KCNQ1: variants seen among roughly 807,000 people sequenced by gnomAD.
KCNQ1 encodes potassium voltage-gated channel subfamily Q member 1.
A neutral mutation model predicts 72.4 loss-of-function variants in KCNQ1; 49 were observed. That is an observed-to-expected ratio of 0.68 (90% CI 0.54 to 0.86). The LOEUF (loss-of-function observed/expected upper bound fraction) is 0.86, where lower values mean the gene tolerates loss of function less well. Ranked by LOEUF, KCNQ1 falls within the 40% of genes least tolerant of loss-of-function variation. The probability of loss-of-function intolerance (pLI) is 0.00; values close to 1 mark genes in which losing one functional copy is unlikely to be tolerated. For missense variants in KCNQ1, 790 were observed against 945.1 expected (o/e 0.84, Z 2.15); for synonymous variants, 450 against 412.6 (o/e 1.09, Z -1.10).
At position 2,836,507 on chromosome 11, in the gene KCNQ1, C is replaced by T. The variant is rs538124596; in HGVS notation, c.1795-11260C>T. Among the ~76,000 whole-genome samples, 3 of 152,334 alleles carry T rather than the reference C, an allele frequency of 2.0e-5. No individual in the cohort carries two copies. The East Asian group carries it at 5.8e-4, about 29-fold the overall frequency. On this transcript the variant is annotated intron_variant, in intron 15 of 15. Transcript: ENST00000155840. ...CCAAGCTCCCCAGAAGAGGGGACCC[C>T]TCCCCCCGAACACCAGCACATGTAG...
chr11:2,744,973 G>C (rs956760245), intron 11 of KCNQ1, among the ~76,000 whole-genome samples: 1 of 152,064 alleles, frequency 6.6e-6, no homozygotes, highest in African/African-American at 2.4e-5. Context: ...TGTGATCGGG[G>C]CTCCCTCTTT....
intron 12 of KCNQ1, among the ~76,000 whole-genome samples, chr11:2,770,583 G>A (rs1846577898): frequency 6.6e-6 from 1 of 152,258 alleles, no homozygotes; most frequent in Non-Finnish European, 1.5e-5. Flanking sequence ...CAGGGAAGGG[G>A]GTGGTTCATG....
At position 2,830,758 on chromosome 11, in the gene KCNQ1, G is replaced by C. The variant is rs555978968; in HGVS notation, c.1795-17009G>C. The stretch of plus-strand genomic sequence containing the variant: ...CTCTGACCTCCCAAGGGCACCCCAC[G>C]TGTGTGCCCTCCAGCACCCTGGCCA... On this transcript the variant is annotated intron_variant, in intron 15 of 15. Transcript: ENST00000155840. The surrounding 1 kb of genome is among the most constrained non-coding windows in gnomAD (Gnocchi z 7.7). Among the ~76,000 whole-genome samples, 2 of 152,120 alleles carry C rather than the reference G, an allele frequency of 1.3e-5. No individual in the cohort carries two copies. The highest frequency in any genetic ancestry group is 4.8e-5 in the African/African-American group (2 of 41,428).
At chr11:2,577,269 G>A (rs931743579) in intron 6 of KCNQ1, among the ~76,000 whole-genome samples, 1 of 152,216 alleles carries the variant, frequency 6.6e-6, no homozygotes, top group African/African-American at 2.4e-5. Flanking sequence ...AGCATGGTGT[G>A]AGCTGGGGCT....
intron 10 of KCNQ1, chr11:2,628,268 C>T (rs1223931421): frequency 2.5e-6 from 1 of 398,542 alleles, no homozygotes; most frequent in Non-Finnish European, 4.4e-6. Flanking sequence ...GTATAAGGGA[C>T]ACCTTTTCTC....
chr11:2,599,406 C>G lies in KCNQ1; in HGVS notation c.1393+10552C>G, dbSNP rs1468324839. Among the ~76,000 whole-genome samples, 3 of 152,068 alleles carry G rather than the reference C, an allele frequency of 2.0e-5. No individual in the cohort carries two copies. Among genetic ancestry groups the G allele is most frequent in the African/African-American group, 7.2e-5 (3 of 41,402 alleles). On this transcript the variant is annotated intron_variant, in intron 10 of 15. Coordinates refer to ENST00000155840, the MANE Select transcript of KCNQ1 (RefSeq NM_000218.3). This position sits in a 1 kb window ranked among gnomAD's most constrained non-coding sequence, Gnocchi z 4.7. Reference sequence around the variant, plus strand: ...TCAATTCTATTCTAAAATTTATAATCTCTGCTTAATTTCCTTTGGTGTACA... The same window carrying G: ...TCAATTCTATTCTAAAATTTATAATGTCTGCTTAATTTCCTTTGGTGTACA...
At chr11:2,741,352 C>G (rs1179135788) in intron 11 of KCNQ1, among the ~76,000 whole-genome samples, 1 of 152,204 alleles carries the variant, frequency 6.6e-6, no homozygotes, top group Non-Finnish European at 1.5e-5. Context: ...CTGTGTGCAG[C>G]AGGCATTGGG....
Position 2,847,857 on chromosome 11 carries a change from G to C in KCNQ1, c.1885G>C (p.Gly629Arg). Residue 629 changes from glycine to arginine, a missense_variant, in exon 16 of 16, where the codon GGC (glycine) becomes CGC (arginine). By Grantham distance (125) the Gly-to-Arg change is moderately radical. Coordinates refer to ENST00000155840, the MANE Select transcript of KCNQ1 (RefSeq NM_000218.3). ...CGGTGGCAGCACCCCCGGCAGCGGCGGCCCCCCCAGAGAGGGCGGGGCCCA... is the reference window on the plus strand; with the variant it reads ...CGGTGGCAGCACCCCCGGCAGCGGCCGCCCCCCCAGAGAGGGCGGGGCCCA... ...LHGGSTPGSG[G>R]PPREGGAHIT... is the part of the protein sequence containing the mutation. The C allele has an allele frequency of 1.3e-6, 2 of 1,574,374 alleles. No homozygotes were observed. Among genetic ancestry groups the C allele is most frequent in the Non-Finnish European group, 1.7e-6 (2 of 1,159,854 alleles).
Position 2,587,690 on chromosome 11 carries a change from G to A in KCNQ1, c.1249G>A (p.Val417Met), listed in dbSNP as rs267607197. The A allele has an allele frequency of 6.2e-7, 1 of 1,613,688 alleles. No individual in the cohort carries two copies. Among genetic ancestry groups the A allele is most frequent in the Non-Finnish European group, 8.5e-7 (1 of 1,179,980 alleles). The change falls in exon 9 of 16, where the codon GTG (valine) becomes ATG (methionine). Residue 417 changes from valine (V) to methionine (M), a missense_variant and splice_region_variant. Val to Met is a conservative substitution (Grantham distance 21). This residue lies in a region of KCNQ1 where 178 missense variants were observed against 177.9 expected (regional missense o/e 1.00). Transcript: ENST00000155840. ...CAGCCCCAAACCCAAGAAGTCTGTG[G>A]TGGTGAGTAGCCCACCTGCCACCAG... ...SPSPKPKKSV[V>M]VKKKKFKLDK...
Position 2,445,409 on chromosome 11 carries a change from C to T in KCNQ1, c.311C>T (p.Thr104Ile), listed in dbSNP as rs748125395. Residue 104 changes from threonine (T) to isoleucine (I), a missense_variant, in exon 1 of 16, where the codon ACC (threonine) becomes ATC (isoleucine). Transcript: ENST00000155840. ...ACGCGCCGCCCGGTGTTGGCGCGCA[C>T]CCACGTCCAGGGCCGCGTCTACAAC... ...YSTRRPVLAR[T>I]HVQGRVYNFL... is the part of the protein sequence containing the mutation. 1.3e-6 allele frequency: 2 copies of T among 1,597,976 alleles called. No homozygotes were observed. Among genetic ancestry groups the T allele is most frequent in the East Asian group, 2.2e-5 (1 of 44,812 alleles).
intron 1 of KCNQ1, among the ~76,000 whole-genome samples, chr11:2,524,774 T>G (rs760016952): frequency 1.1e-4 from 17 of 152,210 alleles, no homozygotes; most frequent in Non-Finnish European, 1.9e-4. Context: ...AAGAAGCACC[T>G]GTGGGCCACT....
rs79339528 is a variant in KCNQ1, at chr11:2,465,936, C to T, written c.386+20452C>T. Among the ~76,000 whole-genome samples the T allele has an allele frequency of 9.9e-3, 1,507 of 152,288 alleles. 22 individuals are homozygous for T. Among genetic ancestry groups the T allele is most frequent in the African/African-American group, 0.034 (1,404 of 41,560 alleles). On this transcript the variant is annotated intron_variant, in intron 1 of 15. Transcript: ENST00000155840. ...GTGGTTGGTTCCTGGCTGCACCTGCCGGGCTCATGACCTGCCCTGTCCTTT... is the reference window on the plus strand; with the variant it reads ...GTGGTTGGTTCCTGGCTGCACCTGCTGGGCTCATGACCTGCCCTGTCCTTT...
At chr11:2,814,973 A>T (rs1238066095) in intron 15 of KCNQ1, among the ~76,000 whole-genome samples, 2 of 152,196 alleles carry the variant, frequency 1.3e-5, no homozygotes, top group African/African-American at 4.8e-5. Context: ...CCCCAGCGCT[A>T]TGCCCTTCTG....
intron 2 of KCNQ1, among the ~76,000 whole-genome samples, chr11:2,556,518 C>G (rs1294697023): frequency 1.3e-5 from 2 of 152,168 alleles, no homozygotes; most frequent in Non-Finnish European, 2.9e-5. Flanking sequence ...TGTTTTTGTG[C>G]TATAACAGCA....
At chr11:2,551,877 A>G (rs1225169806) in intron 2 of KCNQ1, among the ~76,000 whole-genome samples, 2 of 152,240 alleles carry the variant, frequency 1.3e-5, no homozygotes, top group Non-Finnish European at 2.9e-5. Context: ...TGCCATTCAT[A>G]TATCTCCTTT....
rs1846516118 is a variant in KCNQ1 at position 2,473,139 on chromosome 11, G to A, written c.386+27655G>A. 6.6e-6 allele frequency among the ~76,000 whole-genome samples: 1 copy of A among 152,162 alleles called. No homozygotes were observed. The highest frequency in any genetic ancestry group is 2.4e-5 in the African/African-American group (1 of 41,434). On this transcript the variant is annotated intron_variant, in intron 1 of 15. Coordinates refer to ENST00000155840, the MANE Select transcript of KCNQ1 (RefSeq NM_000218.3). The surrounding 1 kb of genome is among the most constrained non-coding windows in gnomAD (Gnocchi z 6.0). ...TCCATGGGATTAACTCCCCTGTGCT[G>A]GAAGCTGCAGGAGCTGCTGCCTGTG...
chr11:2,804,778 G>A (rs1157962851), intron 15 of KCNQ1, among the ~76,000 whole-genome samples: 5 of 152,178 alleles, frequency 3.3e-5, no homozygotes, highest in African/African-American at 1.2e-4. Flanking sequence ...CACACCCAGC[G>A]TCTGGAGCTG....
intron 1 of KCNQ1, among the ~76,000 whole-genome samples, chr11:2,504,341 G>T (rs939236636): frequency 1.3e-5 from 2 of 151,982 alleles, no homozygotes; most frequent in African/African-American, 2.4e-5. Context: ...GGTAGTGGGG[G>T]TTGTGAGGGA....
chr11:2,576,117 A>G (rs1848419782), intron 6 of KCNQ1, among the ~76,000 whole-genome samples: 1 of 152,180 alleles, frequency 6.6e-6, no homozygotes, highest in South Asian at 2.1e-4. Flanking sequence ...CCTATTTCCA[A>G]ATATCGCATT....
Sources: gnomAD v4.1 joint callset for allele counts (sites outside exome capture counted in the v4.1 genomes callset) on GRCh38, gnomAD v4.1.1 for gene constraint, gnomAD v4.1.1 regional missense constraint, Gnocchi (gnomAD v3.1) non-coding constraint, MANE v1.5 for transcripts, NCBI Gene and HGNC (gene_info 2026-07-23, HGNC 2026-07-21) for gene names.